The following HERC3 variants were observed in gnomAD, a reference collection of about 807,000 sequenced individuals.
HERC3 encodes HECT and RLD domain containing E3 ubiquitin protein ligase 3.
HERC3 carries 58 observed loss-of-function variants against 129.9 expected under a neutral mutation model. That is an observed-to-expected ratio of 0.45 (90% CI 0.36 to 0.56). HERC3 has a LOEUF of 0.56. Among genes scored for constraint, HERC3 ranks in the 20% least tolerant of loss-of-function variants. The pLI, the probability that HERC3 is intolerant of heterozygous loss-of-function variation, is 0.00. For synonymous variants in HERC3, 430 were observed against 451.0 expected (o/e 0.95, Z 0.59); for missense variants, 835 against 1,244.2 (o/e 0.67, Z 4.95).
intron 3 of HERC3, among the ~76,000 whole-genome samples, chr4:88,614,747 T>G (rs1724714600): frequency 6.6e-6 from 1 of 152,220 alleles, no homozygotes; most frequent in Non-Finnish European, 1.5e-5. Context: ...CAGTCACTGA[T>G]TCAGCAGACA....
the HERC3 span, among the ~76,000 whole-genome samples, chr4:88,536,028 C>T: frequency 6.6e-6 from 1 of 152,170 alleles, no homozygotes; most frequent in Non-Finnish European, 1.5e-5. Context: ...CCTTGCTTTG[C>T]ATGTAATAGT....
chr4:88,641,682 C>G (rs1560708832), intron 3 of HERC3, among the ~76,000 whole-genome samples: 1 of 152,202 alleles, frequency 6.6e-6, no homozygotes, highest in Non-Finnish European at 1.5e-5. Context: ...ACAGTTCTCT[C>G]TATATACATT....
chr4:88,560,354 C>T, the HERC3 span, among the ~76,000 whole-genome samples: 5 of 152,164 alleles, frequency 3.3e-5, no homozygotes, highest in Non-Finnish European at 5.9e-5. Context: ...TGTTGAGCAC[C>T]TTTCAATATA....
At chr4:88,591,897 C>A (rs918769941), upstream of HERC3, among the ~76,000 whole-genome samples, 1 of 152,162 alleles carries the variant, frequency 6.6e-6, no homozygotes, top group Non-Finnish European at 1.5e-5. Flanking sequence ...TCCGCAGCCC[C>A]GTGCCGGTCT....
At chr4:88,704,863 C>CTTT (rs1165694315) in intron 25 of HERC3, among the ~76,000 whole-genome samples, 1 of 130,672 alleles carries the variant, frequency 7.7e-6, no homozygotes, top group African/African-American at 3.0e-5. Flanking sequence ...TTCTTTCTTT[C>CTTT]TTTTTTTTTT....
chr4:88,658,434 C>A lies in HERC3; in HGVS notation c.1089C>A (p.Ile363=), dbSNP rs368647360. The change falls in exon 10 of 26, where the codon ATC becomes ATA. Residue 363 remains isoleucine (I), a synonymous_variant. Coordinates refer to ENST00000402738, the MANE Select transcript of HERC3 (RefSeq NM_014606.3). ...TGACAGATCGCTTTAAATATCATAT[C>A]GTTAAGCAGATCTTCTCTGGAGGAG... The part of the protein sequence containing the change: ...SARADRFKYH[I]VKQIFSGGDQ... 130 of 1,595,758 alleles carry A rather than the reference C, an allele frequency of 8.1e-5. 1 individual carries two copies. Among genetic ancestry groups the A allele is most frequent in the Non-Finnish European group, 8.0e-5 (94 of 1,169,558 alleles).
the HERC3 span, among the ~76,000 whole-genome samples, chr4:88,557,790 C>A: frequency 6.6e-6 from 1 of 152,158 alleles, no homozygotes; most frequent in Non-Finnish European, 1.5e-5. Context: ...GGCACAGTGG[C>A]TCATGCCTGT....
chr4:88,612,808 T>A (rs1171848908), intron 3 of HERC3, among the ~76,000 whole-genome samples: 1 of 152,212 alleles, frequency 6.6e-6, no homozygotes, highest in Non-Finnish European at 1.5e-5. Flanking sequence ...ACTTTTTTTT[T>A]AATAAAGCAA....
intron 3 of HERC3, among the ~76,000 whole-genome samples, chr4:88,626,904 T>G (rs1726161827): frequency 1.3e-5 from 2 of 152,116 alleles, no homozygotes; most frequent in African/African-American, 2.4e-5. Flanking sequence ...GTTTCAGTGA[T>G]TTTTGCTGTT....
rs1732613508 is a variant in HERC3, at chr4:88,680,201, T to C, written c.2305T>C (p.Tyr769His). The C allele has an allele frequency of 6.2e-7, 1 of 1,610,286 alleles. No individual in the cohort carries two copies. Among genetic ancestry groups the C allele is most frequent in the Non-Finnish European group, 8.5e-7 (1 of 1,178,602 alleles). The change falls in exon 20 of 26, where the codon TAT becomes CAT. Residue 769 changes from tyrosine to histidine, a missense_variant. Tyr to His is a moderately conservative substitution (Grantham distance 83). Coordinates refer to ENST00000402738, the MANE Select transcript of HERC3 (RefSeq NM_014606.3). ...LNPIYGMFTY[Y>H]QDSNLLWFSD... Reference sequence around the variant, plus strand: ...TCCCATCTATGGAATGTTTACCTACTATCAAGATTCAAATCTCTTGTGGTT... The same window carrying C: ...TCCCATCTATGGAATGTTTACCTACCATCAAGATTCAAATCTCTTGTGGTT...
At chr4:88,644,700 T>C (rs573374519) in intron 3 of HERC3, among the ~76,000 whole-genome samples, 4 of 152,304 alleles carry the variant, frequency 2.6e-5, no homozygotes, top group Non-Finnish European at 5.9e-5. Flanking sequence ...TAGACTTATT[T>C]GTGTAGTTAC....
intron 4 of HERC3, 47 bp downstream of exon 4, chr4:88,650,046 T>C (rs1247899725): frequency 1.9e-6 from 3 of 1,570,920 alleles, no homozygotes; most frequent in Non-Finnish European, 1.7e-6. Flanking sequence ...TATTTCCTGC[T>C]GTTGATTTGT....
the HERC3 span, among the ~76,000 whole-genome samples, chr4:88,552,603 T>C: frequency 6.6e-6 from 1 of 152,206 alleles, no homozygotes; most frequent in Admixed American, 6.5e-5. Context: ...AAGGATGATG[T>C]TAGCTATGGA....
At chr4:88,617,177 A>G (rs998263236) in intron 3 of HERC3, among the ~76,000 whole-genome samples, 1 of 137,178 alleles carries the variant, frequency 7.3e-6, no homozygotes, top group Non-Finnish European at 1.5e-5. Flanking sequence ...CCTGTCTCCA[A>G]AAAAAAAAAA....
At chr4:88,562,064 C>A in the HERC3 span, among the ~76,000 whole-genome samples, 2 of 152,090 alleles carry the variant, frequency 1.3e-5, no homozygotes, top group African/African-American at 2.4e-5. Context: ...TTTTGAGGAA[C>A]CTCCATACTG....
At chr4:88,701,324 G>C (rs1306909366) in intron 23 of HERC3, among the ~76,000 whole-genome samples, 1 of 152,182 alleles carries the variant, frequency 6.6e-6, no homozygotes, top group Non-Finnish European at 1.5e-5. Context: ...GAAGATGGCA[G>C]AGCCTGGATT....
rs1284442522 is a variant in HERC3 at position 88,704,529 on chromosome 4, T to A, written c.2863T>A (p.Tyr955Asn). Residue 955 changes from tyrosine to asparagine, a missense_variant, in exon 25 of 26, where the codon TAC (tyrosine) becomes AAC (asparagine). Transcript: ENST00000402738. ...ACAGACTGCCATCTACAAGGGAGAT[T>A]ACTCGGCCACACATCCCACTGTAAA... ...LEETAIYKGD[Y>N]SATHPTVKLF... 6.2e-7 allele frequency: 1 copy of A among 1,610,860 alleles called. No individual in the cohort carries two copies. The highest frequency in any genetic ancestry group is 8.5e-7 in the Non-Finnish European group (1 of 1,177,058).
intron 19 of HERC3, among the ~76,000 whole-genome samples, 165 bp from the exon 20 acceptor site, chr4:88,679,928 A>G (rs1192142260): frequency 6.6e-6 from 1 of 152,212 alleles, no homozygotes; most frequent in Non-Finnish European, 1.5e-5. Flanking sequence ...CTAAAACTTC[A>G]CCAGCAATAA....
At chr4:88,597,473 G>A (rs1285798962) in intron 2 of HERC3, among the ~76,000 whole-genome samples, 2 of 152,214 alleles carry the variant, frequency 1.3e-5, no homozygotes, top group Non-Finnish European at 2.9e-5. Flanking sequence ...AAATTACTGT[G>A]TGGGGAGGTA....
Sources: allele counts gnomAD v4.1 joint callset (sites outside exome capture counted in the v4.1 genomes callset), GRCh38; gene constraint gnomAD v4.1.1; transcripts MANE v1.5; gene names NCBI Gene and HGNC (gene_info 2026-07-23, HGNC 2026-07-21).